The following PLXND1 variants were observed in gnomAD, a reference collection of about 807,000 sequenced individuals.
PLXND1 encodes plexin D1.
In PLXND1, 54 loss-of-function variants were observed where a neutral mutation model predicts 197.7. That is an observed-to-expected ratio of 0.27 (90% CI 0.22 to 0.34). The LOEUF (loss-of-function observed/expected upper bound fraction) is 0.34. PLXND1 is among the 10% of genes least tolerant of loss of function. PLXND1 has a pLI of 1.00. For missense variants in PLXND1, 2,127 were observed against 2,699.2 expected, an observed-to-expected ratio of 0.79 and a Z score of 4.70; for synonymous variants, 1,180 against 1,161.2, an observed-to-expected ratio of 1.02 and a Z score of -0.33.
chr3:129,568,073 G>C (rs533214018), intron 20 of PLXND1, among the ~76,000 whole-genome samples: 3 of 152,108 alleles, frequency 2.0e-5, no homozygotes, highest in African/African-American at 7.2e-5. Flanking sequence ...AGCTCTGTTA[G>C]AATTTGTCTA....
In PLXND1 at chr3:129,561,500, A is replaced by T; in HGVS notation, c.4993+146T>A. 4.8e-6 allele frequency: 3 copies of T among 623,230 alleles called. No individual in the cohort carries two copies. In the South Asian group the frequency reaches 5.6e-5, roughly 12 times the overall value. 38.6% of individuals were successfully genotyped at this position (623,230 alleles called of 1,614,324 possible). A position where few individuals can be genotyped will look rare whatever the true frequency, so the allele number is the denominator to read the frequency against. On this transcript the variant is annotated intron_variant, in intron 29 of 35. Coordinates refer to ENST00000324093, the MANE Select transcript of PLXND1 (RefSeq NM_015103.3). ...TGCCCCAGCAGTACTGGGTCAGAGG[A>T]GGCTGGCCCCGCCCAGCCCCCACCA...
At chr3:129,590,306 GCT>G (rs1491038295) in intron 1 of PLXND1, among the ~76,000 whole-genome samples, 1 of 79,750 alleles carries the variant, frequency 1.3e-5, no homozygotes, top group African/African-American at 4.1e-5. Context: ...CCATGTCCGG[GCT>G]GTTCCCTGAA....
chr3:129,572,622 A>ACC lies in PLXND1; in HGVS notation c.3063_3064insGG (p.Cys1022GlyfsTer5). 6.4e-7 allele frequency: 1 copy of ACC among 1,566,144 alleles called. No individual in the cohort carries two copies. The highest frequency in any genetic ancestry group is 8.6e-7 in the Non-Finnish European group (1 of 1,156,242). On this transcript the variant is annotated frameshift_variant, in exon 15 of 36. Coordinates refer to ENST00000324093, the MANE Select transcript of PLXND1 (RefSeq NM_015103.3). LOFTEE classifies it high-confidence loss of function. ...CCAGAGGCTTACATCAGCTCCGTGCAGGGGTCTGTGTCGTTCACCAGGACC... is the reference window on the plus strand; with the variant it reads ...CCAGAGGCTTACATCAGCTCCGTGCACCGGGGTCTGTGTCGTTCACCAGGACC...
At chr3:129,581,948 A>G (rs949898637) in intron 8 of PLXND1, among the ~76,000 whole-genome samples, 1 of 152,188 alleles carries the variant, frequency 6.6e-6, no homozygotes, top group Non-Finnish European at 1.5e-5. Flanking sequence ...CTGGGCTGGG[A>G]GCTGGAAGGA....
At chr3:129,589,840 A>G (rs968717327) in intron 1 of PLXND1, among the ~76,000 whole-genome samples, 3 of 152,018 alleles carry the variant, frequency 2.0e-5, no homozygotes, top group Non-Finnish European at 4.4e-5. Context: ...GGTGAGAGCT[A>G]CACCCGCACC....
At position 129,581,820 on chromosome 3, in the gene PLXND1, C is replaced by T. The variant is rs553400103; in HGVS notation, c.2241+1747G>A. 5.6e-4 allele frequency among the ~76,000 whole-genome samples: 86 copies of T among 152,346 alleles called. 1 individual carries two copies. The highest frequency in any genetic ancestry group is 1.8e-3 in the African/African-American group (73 of 41,574). On this transcript the variant is annotated intron_variant, in intron 8 of 35. Coordinates refer to ENST00000324093, the MANE Select transcript of PLXND1 (RefSeq NM_015103.3). ...CAGCAGGCACTCAATAAATGCTGAA[C>T]GGACTGTGACGAGGCTGGGTCCTCC...
In PLXND1 at chr3:129,575,893, A is replaced by C. The variant is rs1157702470; in HGVS notation, c.2347-38T>G. On this transcript the variant is annotated intron_variant, in intron 9 of 35. Transcript: ENST00000324093. ...GGGAGTGGGAGGCGGGTTTGAGGAG[A>C]ACCAAGCCAGCATGCATTGCCCTCT... The C allele has an allele frequency of 4.6e-6, 6 of 1,290,492 alleles. No homozygotes were observed. In the South Asian group the frequency reaches 7.2e-5, roughly 16 times the overall value. The allele number at this position is 1,290,492 out of a possible 1,614,324, so 79.9% of individuals were successfully genotyped here.
At chr3:129,561,594 A>G in intron 29 of PLXND1, 52 bp downstream of exon 29, 1 of 1,355,430 alleles carries the variant, frequency 7.4e-7, no homozygotes, top group Non-Finnish European at 1.0e-6. Context: ...ATGGGATGGA[A>G]GCCCCTGTCC....
chr3:129,572,670 G>A lies in PLXND1; in HGVS notation c.3016C>T (p.Leu1006Phe). 6.2e-7 allele frequency: 1 copy of A among 1,606,346 alleles called. No individual in the cohort carries two copies. Among genetic ancestry groups the A allele is most frequent in the Non-Finnish European group, 8.5e-7 (1 of 1,175,852 alleles). Residue 1006 changes from leucine to phenylalanine, a missense_variant, in exon 15 of 36, where the codon CTC becomes TTC. By Grantham distance (22) the Leu-to-Phe change is conservative (BLOSUM62 0). Coordinates refer to ENST00000324093, the MANE Select transcript of PLXND1 (RefSeq NM_015103.3). ...GTRITIHGND[L>F]HVGSELQVLV... ...ACCTGGAGCTCGGAGCCTACATGGA[G>A]GTCATTCCCATGGATGGTGATCCTG... is the stretch of plus-strand genomic sequence containing the variant.
chr3:129,569,725 C>T, intron 20 of PLXND1, 118 bp downstream of exon 20: 1 of 667,078 alleles, frequency 1.5e-6, no homozygotes. Context: ...CATGGCCAAG[C>T]CTTTGTTCAA....
chr3:129,597,903 G>A (rs1265249604), intron 1 of PLXND1, among the ~76,000 whole-genome samples: 1 of 152,226 alleles, frequency 6.6e-6, no homozygotes, highest in African/African-American at 2.4e-5. Flanking sequence ...CCACATGGCT[G>A]TCAGAGCTGG....
At chr3:129,594,249 A>G (rs2085587868) in intron 1 of PLXND1, among the ~76,000 whole-genome samples, 1 of 152,210 alleles carries the variant, frequency 6.6e-6, no homozygotes, top group African/African-American at 2.4e-5. Context: ...TGATCCTGGG[A>G]AAGTCAGGTT....
chr3:129,589,484 T>G lies in PLXND1; in HGVS notation c.1355A>C (p.His452Pro). The G allele has an allele frequency of 6.2e-7, 1 of 1,606,474 alleles. No individual in the cohort carries two copies. The highest frequency in any genetic ancestry group is 8.5e-7 in the Non-Finnish European group (1 of 1,177,192). ...CAGGGGCTGCAGGATGGACAGCGGGTGCTGCAGGTGAGCAGCTCCACAGTC... is the reference window on the plus strand; with the variant it reads ...CAGGGGCTGCAGGATGGACAGCGGGGGCTGCAGGTGAGCAGCTCCACAGTC... The part of the protein sequence containing the change: ...QLDCGAAHLQ[H>P]PLSILQPLKA... The change falls in exon 2 of 36, where the codon CAC becomes CCC. Residue 452 changes from histidine to proline, a missense_variant. By Grantham distance (77) the His-to-Pro change is moderately conservative (BLOSUM62 -2). This residue lies in a region of PLXND1 where 1,095 missense variants were observed against 1,259.8 expected (regional missense o/e 0.87). Transcript: ENST00000324093.
Position 129,605,902 on chromosome 3 carries a change from G to A in PLXND1, c.738C>T (p.Arg246=), listed in dbSNP as rs1287631163. 6.2e-6 allele frequency: 10 copies of A among 1,613,430 alleles called. No homozygotes were observed. The highest frequency in any genetic ancestry group is 7.6e-6 in the Non-Finnish European group (9 of 1,179,852). Reference sequence around the variant, plus strand: ...AGGTGAAGAGCTTGGCCAGGTCGCCGCGCGTGTCCAGGGAGCGGATGGCGA... The same window carrying A: ...AGGTGAAGAGCTTGGCCAGGTCGCCACGCGTGTCCAGGGAGCGGATGGCGA... ...PEIAIRSLDT[R]GDLAKLFTFD... Residue 246 remains arginine (R), a synonymous_variant, in exon 1 of 36, where the codon CGC becomes CGT. Coordinates refer to ENST00000324093, the MANE Select transcript of PLXND1 (RefSeq NM_015103.3).
rs955862564 is a variant in PLXND1 at position 129,571,222 on chromosome 3, A to G, written c.3418T>C (p.Phe1140Leu). 1.2e-6 allele frequency: 2 copies of G among 1,614,158 alleles called. No individual in the cohort carries two copies. The highest frequency in any genetic ancestry group is 1.7e-6 in the Non-Finnish European group (2 of 1,180,006). ...LSNASAPVDF[F>L]INGRAYADEV... is the part of the protein sequence containing the mutation. ...TCTGCGTAGGCCCGCCCATTGATGA[A>G]GAAGTCCACTGGCGCTGATGCGTTG... Residue 1140 changes from phenylalanine (F) to leucine (L), a missense_variant, in exon 18 of 36, where the codon TTC becomes CTC. Physicochemically the swap from Phe to Leu is conservative, Grantham distance 22. Around this residue, in one of 6 missense-constraint regions of PLXND1, gnomAD observed 532 missense variants for 811.0 expected, o/e 0.66. Coordinates refer to ENST00000324093, the MANE Select transcript of PLXND1 (RefSeq NM_015103.3).
At chr3:129,586,990 G>A (rs890725093) in intron 2 of PLXND1, among the ~76,000 whole-genome samples, 1 of 152,164 alleles carries the variant, frequency 6.6e-6, no homozygotes, top group Non-Finnish European at 1.5e-5. Flanking sequence ...TTTACGAAAC[G>A]TGCTCTGGGA....
At chr3:129,592,415 C>T (rs1440166898) in intron 1 of PLXND1, among the ~76,000 whole-genome samples, 3 of 152,342 alleles carry the variant, frequency 2.0e-5, no homozygotes, top group South Asian at 2.1e-4. Flanking sequence ...AATTGTGAAT[C>T]CCTCCCACCA....
intron 1 of PLXND1, among the ~76,000 whole-genome samples, chr3:129,599,587 T>A (rs777601126): frequency 2.0e-5 from 3 of 152,218 alleles, no homozygotes; most frequent in Non-Finnish European, 4.4e-5. Context: ...CAAAGGGCCA[T>A]GGGCTCACTC....
intron 2 of PLXND1, among the ~76,000 whole-genome samples, chr3:129,587,755 T>G (rs1450577288): frequency 6.6e-6 from 1 of 152,210 alleles, no homozygotes; most frequent in Non-Finnish European, 1.5e-5. Context: ...TGCTCACACA[T>G]TCCAGCCTCC....
Sources: gnomAD v4.1 joint callset for allele counts (sites outside exome capture counted in the v4.1 genomes callset) on GRCh38, gnomAD v4.1.1 for gene constraint, gnomAD v4.1.1 regional missense constraint, MANE v1.5 for transcripts, NCBI Gene and HGNC (gene_info 2026-07-23, HGNC 2026-07-21) for gene names.